Variants in GKAP1 observed in about 807,000 individuals in gnomAD.
GKAP1 encodes G kinase-anchoring protein 1.
GKAP1 carries 31 observed loss-of-function variants against 56.7 expected under a neutral mutation model. The observed-to-expected ratio is 0.55, with a 90% CI of 0.41 to 0.74. The LOEUF (loss-of-function observed/expected upper bound fraction) is 0.74. GKAP1 is among the 30% of genes least tolerant of loss of function. The pLI is 0.00. For synonymous variants in GKAP1, 151 were observed against 138.6 expected, an observed-to-expected ratio of 1.09 and a Z score of -0.63; for missense variants, 364 against 402.3, an observed-to-expected ratio of 0.90 and a Z score of 0.82.
rs528829752 is a variant in GKAP1 at position 83,796,744 on chromosome 9, G to T, written c.360+2441C>A. Among the ~76,000 whole-genome samples, 655 of 152,240 alleles carry T rather than the reference G, an allele frequency of 4.3e-3. 3 individuals are homozygous for T. Among genetic ancestry groups the T allele is most frequent in the Middle Eastern group, 6.8e-3 (2 of 294 alleles). ...GGCCTCCCAAAGTGCTGGGATTACA[G>T]GTGTGAGCCACCGCACCCGGCCCCA... is the stretch of plus-strand genomic sequence containing the variant. On this transcript the variant is annotated intron_variant, in intron 4 of 12. Coordinates refer to ENST00000376371, the MANE Select transcript of GKAP1 (RefSeq NM_025211.4).
chr9:83,756,470 C>CAAAAAA (rs142896755), intron 8 of GKAP1, among the ~76,000 whole-genome samples: 14 of 75,406 alleles, frequency 1.9e-4, no homozygotes, highest in Non-Finnish European at 3.2e-4. Context: ...GACTCCATCT[C>CAAAAAA]AAAAAAAAAA....
At chr9:83,774,812 C>T (rs538063068) in intron 7 of GKAP1, among the ~76,000 whole-genome samples, 3 of 142,664 alleles carry the variant, frequency 2.1e-5, no homozygotes, top group South Asian at 2.3e-4. Context: ...CGGGTTCAGG[C>T]GATTCTCCTG....
intron 3 of GKAP1, among the ~76,000 whole-genome samples, chr9:83,799,831 G>A (rs1338542805): frequency 1.3e-5 from 2 of 152,098 alleles, no homozygotes; most frequent in Admixed American, 1.3e-4. Flanking sequence ...CGGGTGTGGT[G>A]ACACACACCT....
At chr9:83,782,376 T>G (rs1381614425) in intron 6 of GKAP1, among the ~76,000 whole-genome samples, 1 of 150,318 alleles carries the variant, frequency 6.7e-6, no homozygotes, top group East Asian at 2.0e-4. Context: ...TTTTTTGAGA[T>G]AGATGGAGTT....
At chr9:83,769,114 T>C in intron 7 of GKAP1, 144 bp from the exon 8 acceptor site, 1 of 589,674 alleles carries the variant, frequency 1.7e-6, no homozygotes, top group Non-Finnish European at 2.9e-6. Context: ...AAATGACAGC[T>C]AAGAGACAAT....
intron 8 of GKAP1, among the ~76,000 whole-genome samples, chr9:83,764,396 A>G (rs2131261275): frequency 6.6e-6 from 1 of 152,270 alleles, no homozygotes; most frequent in South Asian, 2.1e-4. Flanking sequence ...CATGATTGTA[A>G]GCCTCCTGAG....
intron 12 of GKAP1, among the ~76,000 whole-genome samples, chr9:83,741,007 T>C (rs991222540): frequency 5.9e-5 from 9 of 152,072 alleles, no homozygotes; most frequent in African/African-American, 1.9e-4. Flanking sequence ...AGATGTGTAA[T>C]GACATGTATT....
chr9:83,742,243 GA>G (rs1450789792), intron 11 of GKAP1, among the ~76,000 whole-genome samples: 4 of 135,472 alleles, frequency 3.0e-5, no homozygotes, highest in Admixed American at 8.6e-5. Context: ...GTGAAGGGGA[GA>G]AAAATCAAGC....
chr9:83,779,887 C>T (rs917008951), intron 7 of GKAP1, among the ~76,000 whole-genome samples: 2 of 151,684 alleles, frequency 1.3e-5, no homozygotes, highest in African/African-American at 4.8e-5. Context: ...CCCCAAATCC[C>T]CAACACCAGG....
At chr9:83,772,434 AAAGG>A (rs1463673383) in intron 7 of GKAP1, among the ~76,000 whole-genome samples, 1 of 152,204 alleles carries the variant, frequency 6.6e-6, no homozygotes, top group African/African-American at 2.4e-5. Flanking sequence ...ACAGACTCTT[AAAGG>A]AAGAACTAAA....
At chr9:83,765,966 G>T (rs1454541471) in intron 8 of GKAP1, among the ~76,000 whole-genome samples, 13 of 152,206 alleles carry the variant, frequency 8.5e-5, no homozygotes, top group Non-Finnish European at 1.9e-4. Flanking sequence ...GTTTTGAAAT[G>T]TGAGGACATG....
At chr9:83,773,194 C>T (rs756332220) in intron 7 of GKAP1, among the ~76,000 whole-genome samples, 3 of 152,148 alleles carry the variant, frequency 2.0e-5, no homozygotes, top group Non-Finnish European at 1.5e-5. Flanking sequence ...TTCAGTGATA[C>T]GGCTGAATTA....
At chr9:83,779,505 A>C (rs1322020690) in intron 7 of GKAP1, among the ~76,000 whole-genome samples, 5 of 138,474 alleles carry the variant, frequency 3.6e-5, no homozygotes, top group African/African-American at 1.1e-4. Context: ...ATATACACAT[A>C]TATGTGTATA....
At chr9:83,812,276 T>C (rs1944518063) in intron 2 of GKAP1, among the ~76,000 whole-genome samples, 1 of 148,184 alleles carries the variant, frequency 6.7e-6, no homozygotes, top group Non-Finnish European at 1.5e-5. Flanking sequence ...TACACATATA[T>C]ATACACATAT....
chr9:83,776,278 C>A (rs1943860606), intron 7 of GKAP1, among the ~76,000 whole-genome samples: 2 of 152,124 alleles, frequency 1.3e-5, no homozygotes, highest in Admixed American at 1.3e-4. Flanking sequence ...GAGCTCAACA[C>A]ACTGAGAAGA....
chr9:83,812,260 T>C lies in GKAP1; in HGVS notation c.-44+4736A>G, dbSNP rs190138075. Reference sequence around the variant, plus strand: ...ACATATATACGTATATATGTATACGTATATATACACATATATATACACATA... The same window carrying C: ...ACATATATACGTATATATGTATACGCATATATACACATATATATACACATA... On this transcript the variant is annotated intron_variant, in intron 2 of 12. Coordinates refer to ENST00000376371, the MANE Select transcript of GKAP1 (RefSeq NM_025211.4). Among the ~76,000 whole-genome samples, 3 of 147,898 alleles carry C rather than the reference T, an allele frequency of 2.0e-5. No homozygotes were observed. In the East Asian group the frequency reaches 5.9e-4, roughly 29 times the overall value.
intron 7 of GKAP1, among the ~76,000 whole-genome samples, chr9:83,772,961 C>T (rs1943788299): frequency 6.6e-6 from 1 of 152,120 alleles, no homozygotes; most frequent in South Asian, 2.1e-4. Flanking sequence ...GGAGCTAGAA[C>T]TCTCATATAT....
Position 83,775,810 on chromosome 9 carries a change from G to A in GKAP1, c.585+4572C>T, listed in dbSNP as rs550297136. On this transcript the variant is annotated intron_variant, in intron 7 of 12. Transcript: ENST00000376371. ...GAATCGCTTGAACCCAGGAAGCAGAGGTTGCAGTGAGCCAAGATCGTGCCA... is the reference window on the plus strand; with the variant it reads ...GAATCGCTTGAACCCAGGAAGCAGAAGTTGCAGTGAGCCAAGATCGTGCCA... Among the ~76,000 whole-genome samples the A allele has an allele frequency of 9.0e-5, 13 of 144,044 alleles. No homozygotes were observed. The East Asian group carries it at 2.5e-3, about 27-fold the overall frequency. The allele number at this position is 144,044 out of a possible 152,430, so 94.5% of individuals were successfully genotyped here.
chr9:83,759,678 A>G (rs1455752752), intron 8 of GKAP1, among the ~76,000 whole-genome samples: 1 of 152,132 alleles, frequency 6.6e-6, no homozygotes, highest in African/African-American at 2.4e-5. Flanking sequence ...GGTCATGCCC[A>G]TTATCTTCAA....
Sources: gnomAD v4.1 joint callset for allele counts (sites outside exome capture counted in the v4.1 genomes callset) on GRCh38, gnomAD v4.1.1 for gene constraint, MANE v1.5 for transcripts, NCBI Gene and HGNC (gene_info 2026-07-23, HGNC 2026-07-21) for gene names.